Variants in VWA8 observed in about 807,000 individuals in gnomAD.
VWA8 encodes the protein von Willebrand factor A domain-containing protein 8.
A neutral mutation model predicts 241.5 loss-of-function variants in VWA8; 221 were observed. The observed-to-expected ratio is 0.91, with a 90% CI of 0.82 to 1.02. VWA8 has a LOEUF of 1.02. Ranked by LOEUF, VWA8 falls within the 50% of genes least tolerant of loss-of-function variation. The probability of loss-of-function intolerance (pLI) is 0.00; values close to 1 mark genes in which losing one functional copy is unlikely to be tolerated. For missense variants in VWA8, 2,322 were observed against 2,328.7 expected (o/e 1.00, Z 0.06); for synonymous variants, 852 against 827.1 (o/e 1.03, Z -0.52).
chr13:41,609,627 A>T (rs770502949), intron 39 of VWA8, among the ~76,000 whole-genome samples: 1 of 152,174 alleles, frequency 6.6e-6, no homozygotes, highest in Non-Finnish European at 1.5e-5. Context: ...TGAAATATTC[A>T]CCAAATGGGA....
At chr13:41,902,579 AAT>A (rs1247643258) in intron 4 of VWA8, among the ~76,000 whole-genome samples, 1 of 152,200 alleles carries the variant, frequency 6.6e-6, no homozygotes, top group African/African-American at 2.4e-5. Context: ...TCAATCATTC[AAT>A]ATATATTTGT....
chr13:41,777,332 A>G lies in VWA8; in HGVS notation c.2349+653T>C, dbSNP rs1208449073. 2.0e-5 allele frequency among the ~76,000 whole-genome samples: 3 copies of G among 152,192 alleles called. No homozygotes were observed. In the East Asian group the frequency reaches 5.8e-4, roughly 29 times the overall value. ...AGGGAAGGTCTCTCTTCCATGAGTT[A>G]AAGGGAGGGTATATGGGAAGGGGAC... On this transcript the variant is annotated intron_variant, in intron 20 of 44. Transcript: ENST00000379310.
At chr13:41,573,538 T>C (rs972622442) in intron 43 of VWA8, among the ~76,000 whole-genome samples, 1 of 144,282 alleles carries the variant, frequency 6.9e-6, no homozygotes, top group Non-Finnish European at 1.5e-5. Flanking sequence ...TATATATATA[T>C]ACGTATATAT....
intron 3 of VWA8, among the ~76,000 whole-genome samples, chr13:41,911,462 A>G (rs1330000236): frequency 6.6e-6 from 1 of 152,240 alleles, no homozygotes; most frequent in Non-Finnish European, 1.5e-5. Context: ...ACAACATGTC[A>G]GAAAGGGGAA....
intron 42 of VWA8, among the ~76,000 whole-genome samples, chr13:41,578,313 C>A (rs2044362953): frequency 6.6e-6 from 1 of 152,152 alleles, no homozygotes; most frequent in South Asian, 2.1e-4. Context: ...CCTGGTTTCT[C>A]ATCTTCCAGA....
At chr13:41,868,887 CAAAA>C (rs56124196) in intron 9 of VWA8, among the ~76,000 whole-genome samples, 3 of 75,900 alleles carry the variant, frequency 4.0e-5, no homozygotes, top group Admixed American at 1.9e-4. Context: ...GACTCCGTCT[CAAAA>C]AAAAAAAAAA....
At chr13:41,709,702 C>A (rs961681755) in intron 26 of VWA8, among the ~76,000 whole-genome samples, 1 of 152,096 alleles carries the variant, frequency 6.6e-6, no homozygotes, top group Admixed American at 6.6e-5. Flanking sequence ...TGGCTGCAAT[C>A]CTGAGTCTTG....
At chr13:41,639,471 C>T (rs1350516486) in intron 37 of VWA8, among the ~76,000 whole-genome samples, 1 of 152,174 alleles carries the variant, frequency 6.6e-6, no homozygotes, top group Non-Finnish European at 1.5e-5. Flanking sequence ...TGTGCTGCAT[C>T]AGTCCTAACA....
chr13:41,907,347 A>C (rs1027940494), intron 4 of VWA8, among the ~76,000 whole-genome samples: 23 of 152,262 alleles, frequency 1.5e-4, no homozygotes, highest in Non-Finnish European at 7.3e-5. Context: ...TTATGAAATC[A>C]GCACATTGAT....
chr13:41,856,291 G>T (rs1217440327), intron 12 of VWA8, among the ~76,000 whole-genome samples: 1 of 152,094 alleles, frequency 6.6e-6, no homozygotes, highest in Admixed American at 6.5e-5. Flanking sequence ...AGCTGAGATC[G>T]CACCACCGCA....
chr13:41,650,608 A>T (rs1317501212), intron 37 of VWA8, among the ~76,000 whole-genome samples: 1 of 152,224 alleles, frequency 6.6e-6, no homozygotes, highest in Non-Finnish European at 1.5e-5. Flanking sequence ...TTAATTGTAC[A>T]TCCATTTACT....
At chr13:41,931,605 T>C (rs899446571) in intron 2 of VWA8, among the ~76,000 whole-genome samples, 1 of 152,026 alleles carries the variant, frequency 6.6e-6, no homozygotes. Context: ...TGAGTAACTA[T>C]GTGAGATGAT....
rs565527664 is a variant in VWA8 at position 41,818,175 on chromosome 13, C to A, written c.1869+1043G>T. Among the ~76,000 whole-genome samples, 3 of 151,798 alleles carry A rather than the reference C, an allele frequency of 2.0e-5. No individual in the cohort carries two copies. The East Asian group carries it at 5.9e-4, about 30-fold the overall frequency. ...ACGAGGTTTCACCATGTTGGCCAGC[C>A]TGGTCTCGAACTCCTGACCTCAGGT... On this transcript the variant is annotated intron_variant, in intron 15 of 44. Transcript: ENST00000379310.
chr13:41,693,479 T>C (rs185879965), intron 29 of VWA8, among the ~76,000 whole-genome samples: 1 of 152,116 alleles, frequency 6.6e-6, no homozygotes, highest in Admixed American at 6.6e-5. Context: ...AGGTATAAAA[T>C]AGATATAAAG....
At chr13:41,592,813 C>G (rs1383167188) in intron 40 of VWA8, among the ~76,000 whole-genome samples, 1 of 151,452 alleles carries the variant, frequency 6.6e-6, no homozygotes, top group Non-Finnish European at 1.5e-5. Context: ...TGATCTGAAG[C>G]AAATTACTTA....
chr13:41,827,436 C>T (rs1224764463), intron 14 of VWA8, among the ~76,000 whole-genome samples: 2 of 151,982 alleles, frequency 1.3e-5, no homozygotes, highest in African/African-American at 4.8e-5. Context: ...GAAGTAAATA[C>T]CAAAAGAAAA....
rs71096543 is a variant in VWA8 at position 41,778,832 on chromosome 13, C to CTTTT, written c.2278-780_2278-777dup. ...CTGCAGATATTTTTCCAGTACGTCA[C>CTTTT]TTTTTTTTTTTTTTTTTTTTTTTTT... On this transcript the variant is annotated intron_variant, in intron 19 of 44. Coordinates refer to ENST00000379310, the MANE Select transcript of VWA8 (RefSeq NM_015058.2). 8.0e-4 allele frequency among the ~76,000 whole-genome samples: 66 copies of CTTTT among 82,668 alleles called. 8 individuals carry two copies. The highest frequency in any genetic ancestry group is 1.2e-3 in the Non-Finnish European group (54 of 43,454). 54.2% of individuals were successfully genotyped at this position (82,668 alleles called of 152,430 possible). A position where few individuals can be genotyped will look rare whatever the true frequency, so the allele number is the denominator to read the frequency against.
At chr13:41,829,411 A>T (rs1297515826) in intron 14 of VWA8, among the ~76,000 whole-genome samples, 1 of 152,092 alleles carries the variant, frequency 6.6e-6, no homozygotes, top group Non-Finnish European at 1.5e-5. Flanking sequence ...CCAAAAAAAG[A>T]TGTCATTATA....
chr13:41,871,207 A>T (rs1873590004), intron 9 of VWA8, among the ~76,000 whole-genome samples: 1 of 152,246 alleles, frequency 6.6e-6, no homozygotes. Flanking sequence ...TCCTAGCAAG[A>T]AGTAGAAAAT....
Sources: gnomAD v4.1 joint callset for allele counts (sites outside exome capture counted in the v4.1 genomes callset) on GRCh38, gnomAD v4.1.1 for gene constraint, MANE v1.5 for transcripts, NCBI Gene and HGNC (gene_info 2026-07-23, HGNC 2026-07-21) for gene names.